Variants in TTN observed in about 807,000 individuals in gnomAD.
TTN encodes the protein connectin.
TTN carries 1,525 observed loss-of-function variants against 3,223.0 expected under a neutral mutation model. The observed-to-expected ratio is 0.47, with a 90% CI of 0.45 to 0.49. TTN has a LOEUF of 0.49. Among genes scored for constraint, TTN ranks in the 20% least tolerant of loss-of-function variants. TTN has a pLI of 0.00. For missense variants in TTN, 40,786 were observed against 43,424.0 expected (o/e 0.94, Z 5.40); for synonymous variants, 14,094 against 15,161.0 (o/e 0.93, Z 5.17).
chr2:178,625,287 T>C lies in TTN; in HGVS notation c.44534A>G (p.Asn14845Ser). ...CTTGTAATTACCTTTCACAAAGAGG[T>C]TGGCGTGAGTTTTGAAATCTTTTGC... ...LTAKDFKTHA[N>S]LFVKEPPVEF... The change falls in exon 241 of 363, where the codon AAC becomes AGC. Residue 14845 changes from asparagine to serine, a missense_variant. Transcript: ENST00000589042. 2 of 1,606,104 alleles carry C rather than the reference T, an allele frequency of 1.2e-6. No individual in the cohort carries two copies. Among genetic ancestry groups the C allele is most frequent in the East Asian group, 4.5e-5 (2 of 44,388 alleles).
chr2:178,639,841 C>T (rs2060995152), intron 222 of TTN, 53 bp from the exon 223 acceptor site: 6 of 1,515,432 alleles, frequency 4.0e-6, no homozygotes, highest in Non-Finnish European at 5.3e-6. Flanking sequence ...TTCCTAAAAA[C>T]TTATTTGGTA....
At position 178,775,900 on chromosome 2, in the gene TTN, T is replaced by A. The variant is rs1466869489; in HGVS notation, c.5964A>T (p.Glu1988Asp). 1 of 1,614,176 alleles carries A rather than the reference T, an allele frequency of 6.2e-7. No individual in the cohort carries two copies. Among genetic ancestry groups the A allele is most frequent in the Non-Finnish European group, 8.5e-7 (1 of 1,180,012 alleles). Residue 1988 changes from glutamate to aspartate, a missense_variant, in exon 28 of 363, where the codon GAA becomes GAT. Physicochemically the swap from Glu to Asp is conservative, Grantham distance 45 (BLOSUM62 2). Transcript: ENST00000589042. The part of the protein sequence containing the change: ...KLKRAERITH[E>D]KVPEESEELR... Reference sequence around the variant, plus strand: ...GCTCTTCCGACTCTTCAGGCACTTTTTCATGGGTAATTCTTTCAGCCCTTT... The same window carrying A: ...GCTCTTCCGACTCTTCAGGCACTTTATCATGGGTAATTCTTTCAGCCCTTT...
At position 178,726,282 on chromosome 2, in the gene TTN, T is replaced by C. The variant is rs2079320274; in HGVS notation, c.20276-236A>G. 9 of 390,576 alleles carry C rather than the reference T, an allele frequency of 2.3e-5. No homozygotes were observed. The South Asian group carries it at 6.6e-4, about 29-fold the overall frequency. The allele number at this position is 390,576 out of a possible 1,614,324, so 24.2% of individuals were successfully genotyped here. A position where few individuals can be genotyped will look rare whatever the true frequency, so the allele number is the denominator to read the frequency against. ...GATGTCGTTACTGAACAGTTCAACA[T>C]TCTATCTACTACACCTTACTGATGT... On this transcript the variant is annotated intron_variant, in intron 69 of 362. Coordinates refer to ENST00000589042, the MANE Select transcript of TTN (RefSeq NM_001267550.2).
rs1060503961 is a variant in TTN at position 178,541,454 on chromosome 2, C to G, written c.97623G>C (p.Val32541=). The stretch of plus-strand genomic sequence containing the variant: ...TTACACGGACCCATCGATCTGCTCT[C>G]ACTTCTTTGCGCTCCACAATATATC... ...VTGYIVERKE[V]RADRWVRVNK... Residue 32541 remains valine, a synonymous_variant, in exon 350 of 363, where the codon GTG becomes GTC. Transcript: ENST00000589042. The G allele has an allele frequency of 4.3e-6, 7 of 1,613,520 alleles. No individual in the cohort carries two copies. The highest frequency in any genetic ancestry group is 5.1e-6 in the Non-Finnish European group (6 of 1,179,604).
chr2:178,784,053 G>A lies in TTN; in HGVS notation c.2775+17C>T. ...AATGGGAGTGGACCATGTAACAGCGGGTAACCAGTGACCAACCTTGGCTTC... is the reference window on the plus strand; with the variant it reads ...AATGGGAGTGGACCATGTAACAGCGAGTAACCAGTGACCAACCTTGGCTTC... On this transcript the variant is annotated intron_variant, in intron 16 of 362. Transcript: ENST00000589042. 6.2e-7 allele frequency: 1 copy of A among 1,612,150 alleles called. No individual in the cohort carries two copies. Among genetic ancestry groups the A allele is most frequent in the Non-Finnish European group, 8.5e-7 (1 of 1,179,866 alleles).
Position 178,709,777 on chromosome 2 carries a change from C to T in TTN, c.28542G>A (p.Glu9514=), listed in dbSNP as rs370604793. 1.6e-5 allele frequency: 26 copies of T among 1,613,660 alleles called. No individual in the cohort carries two copies. The African/African-American group carries it at 3.1e-4, about 19-fold the overall frequency. Residue 9514 remains glutamate, a synonymous_variant, in exon 99 of 363, where the codon GAG becomes GAA. Transcript: ENST00000589042. ...EETEGNSFKL[E]GRVAGSQPIT... is the part of the protein sequence containing the mutation. ...TAGGTTGGGAACCAGCCACACGTCC[C>T]TCAAGTTTGAAAGAATTCCCTTCTG... is the stretch of plus-strand genomic sequence containing the variant.
At position 178,722,035 on chromosome 2, in the gene TTN, G is replaced by A. The variant is rs560272834; in HGVS notation, c.22628C>T (p.Pro7543Leu). 3.7e-5 allele frequency: 59 copies of A among 1,613,366 alleles called. No individual in the cohort carries two copies. The Admixed American group carries it at 4.2e-4, about 11-fold the overall frequency. Residue 7543 changes from proline (P) to leucine (L), a missense_variant, in exon 78 of 363, where the codon CCG becomes CTG. Coordinates refer to ENST00000589042, the MANE Select transcript of TTN (RefSeq NM_001267550.2). The stretch of plus-strand genomic sequence containing the variant: ...ATCTTTTGACCAAGTGATTCGCATC[G>A]GTTGAGCACCAGTAACATGACACTC... ...DFECHVTGAQPMRITWSKDNK... is the reference protein window; with the variant it reads ...DFECHVTGAQLMRITWSKDNK...
chr2:178,591,387 G>T lies in TTN; in HGVS notation c.60338C>A (p.Thr20113Lys), dbSNP rs766111834. The change falls in exon 304 of 363, where the codon ACA becomes AAA. Residue 20113 changes from threonine to lysine, a missense_variant. Transcript: ENST00000589042. Reference protein sequence around the residue: ...RGVPVPTAKWTTDGSEIKTDE... With the variant: ...RGVPVPTAKWKTDGSEIKTDE... Reference sequence around the variant, plus strand: ...GGTTTTAATCTCACTCCCATCGGTTGTCCACTTTGCAGTAGGAACAGGCAC... The same window carrying T: ...GGTTTTAATCTCACTCCCATCGGTTTTCCACTTTGCAGTAGGAACAGGCAC... 2 of 1,613,028 alleles carry T rather than the reference G, an allele frequency of 1.2e-6. No homozygotes were observed. Among genetic ancestry groups the T allele is most frequent in the South Asian group, 1.1e-5 (1 of 90,976 alleles).
At chr2:178,597,425 GTGA>G (rs1231863378) in intron 294 of TTN, 110 bp downstream of exon 294, 1 of 1,245,918 alleles carries the variant, frequency 8.0e-7, no homozygotes, top group Non-Finnish European at 1.1e-6. Context: ...ATGATTATGG[GTGA>G]TTTTTCTTAT....
In TTN at chr2:178,533,487, T is replaced by C. The variant is rs1690086403; in HGVS notation, c.103128A>G (p.Glu34376=). The change falls in exon 358 of 363, where the codon GAA becomes GAG. Residue 34376 remains glutamate, a synonymous_variant. Coordinates refer to ENST00000589042, the MANE Select transcript of TTN (RefSeq NM_001267550.2). ...TGATCTCAAAGCAGACACTTTGGCC[T>C]TCTTGGCATTCTGCATTTGCCAGTA... ...KRLLANAECQ[E]GQSVCFEIRV... 3.7e-6 allele frequency: 6 copies of C among 1,613,360 alleles called. No homozygotes were observed. The highest frequency in any genetic ancestry group is 5.1e-6 in the Non-Finnish European group (6 of 1,179,352).
chr2:178,719,296 G>A lies in TTN; in HGVS notation c.24094C>T (p.Gln8032Ter), dbSNP rs1577974070. Residue 8032 changes from glutamine (Q) to a stop codon, truncating the protein, a stop_gained, in exon 83 of 363, where the codon CAG (glutamine) becomes TAG (stop). Transcript: ENST00000589042. LOFTEE classifies it high-confidence loss of function. ...CAGACGTTTTCCGAAAAGCTGGACT[G>A]ACATTTGGGCCCACTAACAATCTCA... ...GNEIVSGPKCQSSFSENVCTL... is the reference protein window; with the variant it reads ...GNEIVSGPKC 1.2e-6 allele frequency: 2 copies of A among 1,613,738 alleles called. No individual in the cohort carries two copies. Among genetic ancestry groups the A allele is most frequent in the East Asian group, 2.2e-5 (1 of 44,852 alleles).
chr2:178,654,387 C>A, intron 192 of TTN, 58 bp downstream of exon 192: 1 of 1,512,190 alleles, frequency 6.6e-7, no homozygotes, highest in Non-Finnish European at 8.9e-7. Flanking sequence ...GATCGGCGGA[C>A]ACTTCTATAC....
rs768386730 is a variant in TTN at position 178,587,673 on chromosome 2, G to A, written c.63636C>T (p.Gly21212=). 59 of 1,612,768 alleles carry A rather than the reference G, an allele frequency of 3.7e-5. No homozygotes were observed. In the East Asian group the frequency reaches 1.3e-3, roughly 36 times the overall value. Residue 21212 remains glycine, a synonymous_variant, in exon 306 of 363, where the codon GGC becomes GGT. Coordinates refer to ENST00000589042, the MANE Select transcript of TTN (RefSeq NM_001267550.2). ...GTCCTTTTCTGACCACATTATCAATGCCAACTTTTCGCCAAGTGACTTTAG... is the reference window on the plus strand; with the variant it reads ...GTCCTTTTCTGACCACATTATCAATACCAACTTTTCGCCAAGTGACTTTAG... ...PAPKVTWRKV[G]IDNVVRKGQV...
chr2:178,683,880 CTT>C, intron 133 of TTN, 117 bp downstream of exon 133: 1 of 670,520 alleles, frequency 1.5e-6, no homozygotes, highest in Non-Finnish European at 2.3e-6. Context: ...CATTAACAAA[CTT>C]ATATTGCTTA....
Position 178,717,139 on chromosome 2 carries a change from T to C in TTN, c.25595A>G (p.Asn8532Ser), listed in dbSNP as rs368106359. The C allele has an allele frequency of 8.1e-6, 13 of 1,613,350 alleles. No individual in the cohort carries two copies. The highest frequency in any genetic ancestry group is 1.7e-5 in the Admixed American group (1 of 59,980). Reference sequence around the variant, plus strand: ...AGAACAAGAGTCTTTTCCAGCGATGTTGCTTGCATAGCAGGTGTACTGCCC... The same window carrying C: ...AGAACAAGAGTCTTTTCCAGCGATGCTGCTTGCATAGCAGGTGTACTGCCC... ...DAGQYTCYAS[N>S]IAGKDSCSAQ... The change falls in exon 88 of 363, where the codon AAC (asparagine) becomes AGC (serine). Residue 8532 changes from asparagine (N) to serine (S), a missense_variant. Asn to Ser is a conservative substitution (Grantham distance 46). Coordinates refer to ENST00000589042, the MANE Select transcript of TTN (RefSeq NM_001267550.2).
intron 216 of TTN, among the ~76,000 whole-genome samples, 151 bp from the exon 217 acceptor site, chr2:178,646,181 A>G (rs1423922533): frequency 7.6e-6 from 1 of 132,436 alleles, no homozygotes; most frequent in Non-Finnish European, 1.6e-5. Flanking sequence ...GGTACGTAAT[A>G]CCAGTATCCA....
At position 178,593,874 on chromosome 2, in the gene TTN, A is replaced by G. The variant is rs776845497; in HGVS notation, c.58433-7T>C. ...ACTGGTGGTCCAGGACGGTCTGCAGAAAAAAAAAATCATGGCACAAAATGT... is the reference window on the plus strand; with the variant it reads ...ACTGGTGGTCCAGGACGGTCTGCAGGAAAAAAAAATCATGGCACAAAATGT... On this transcript the variant is annotated splice_region_variant and splice_polypyrimidine_tract_variant and intron_variant, in intron 297 of 362. Coordinates refer to ENST00000589042, the MANE Select transcript of TTN (RefSeq NM_001267550.2). 1.3e-6 allele frequency: 2 copies of G among 1,547,730 alleles called. No homozygotes were observed. Among genetic ancestry groups the G allele is most frequent in the African/African-American group, 1.4e-5 (1 of 72,670 alleles).
intron 220 of TTN, 149 bp from the exon 221 acceptor site, chr2:178,640,779 A>G: frequency 1.6e-6 from 1 of 639,178 alleles, no homozygotes; most frequent in Non-Finnish European, 2.5e-6. Flanking sequence ...TATTTTCTTG[A>G]CTCTGCTTCC....
intron 47 of TTN, among the ~76,000 whole-genome samples, chr2:178,743,884 T>C (rs1354806739): frequency 6.6e-6 from 1 of 152,032 alleles, no homozygotes; most frequent in East Asian, 1.9e-4. Flanking sequence ...ATGATTGTTC[T>C]ACAATAGTGT....
Sources: gnomAD v4.1 joint callset for allele counts (sites outside exome capture counted in the v4.1 genomes callset) on GRCh38, gnomAD v4.1.1 for gene constraint, MANE v1.5 for transcripts, NCBI Gene and HGNC (gene_info 2026-07-23, HGNC 2026-07-21) for gene names.